Variants in CTNNA3 observed in about 807,000 individuals in gnomAD.
CTNNA3 encodes the protein catenin alpha-3.
A neutral mutation model predicts 95.7 loss-of-function variants in CTNNA3; 76 were observed. The observed-to-expected ratio is 0.79, with a 90% CI of 0.66 to 0.96. The LOEUF (loss-of-function observed/expected upper bound fraction) is 0.96, where lower values mean the gene tolerates loss of function less well. Ranked by LOEUF, CTNNA3 falls within the 40% of genes least tolerant of loss-of-function variation. The pLI, the probability that CTNNA3 is intolerant of heterozygous loss-of-function variation, is 0.00. For missense variants in CTNNA3, 1,191 were observed against 1,089.8 expected (o/e 1.09, Z -1.31); for synonymous variants, 431 against 374.4 (o/e 1.15, Z -1.74).
intron 5 of CTNNA3, among the ~76,000 whole-genome samples, chr10:67,417,516 GT>G (rs1210269440): frequency 1.3e-5 from 2 of 152,126 alleles, no homozygotes; most frequent in African/African-American, 4.8e-5. Context: ...CAAGGTGTAA[GT>G]TTTCAGAGTG....
intron 11 of CTNNA3, among the ~76,000 whole-genome samples, chr10:66,417,835 A>G (rs965474125): frequency 2.0e-5 from 3 of 151,974 alleles, no homozygotes; most frequent in African/African-American, 7.2e-5. Flanking sequence ...AAAACAAAAT[A>G]TATCAAAATC....
intron 7 of CTNNA3, among the ~76,000 whole-genome samples, chr10:66,903,564 G>T (rs952839778): frequency 6.6e-6 from 1 of 152,020 alleles, no homozygotes; most frequent in Non-Finnish European, 1.5e-5. Context: ...AGGGTATTCA[G>T]TTAGGAAAAG....
intron 7 of CTNNA3, among the ~76,000 whole-genome samples, chr10:67,130,010 A>C (rs1480648855): frequency 1.3e-5 from 2 of 152,202 alleles, no homozygotes; most frequent in African/African-American, 4.8e-5. Flanking sequence ...AATGAAAAAG[A>C]GAATGTCTTG....
chr10:66,681,332 G>C (rs974254890), intron 9 of CTNNA3, among the ~76,000 whole-genome samples: 15 of 152,102 alleles, frequency 9.9e-5, no homozygotes, highest in African/African-American at 3.6e-4. Context: ...TTGGTCCTAA[G>C]TTTGGCAGCT....
intron 7 of CTNNA3, among the ~76,000 whole-genome samples, chr10:67,068,273 T>C (rs1445071785): frequency 1.3e-5 from 2 of 152,106 alleles, no homozygotes; most frequent in African/African-American, 4.8e-5. Flanking sequence ...GAGTCCAAAA[T>C]AGCTCCAAGG....
intron 9 of CTNNA3, among the ~76,000 whole-genome samples, chr10:66,652,097 T>TAAAAAAAAA (rs59359956): frequency 2.5e-5 from 3 of 122,388 alleles, no homozygotes; most frequent in Non-Finnish European, 3.6e-5. Context: ...CTCAAGGAAC[T>TAAAAAAAAA]AAAAAAAAAA....
chr10:67,674,309 G>C (rs1024392518), intron 1 of CTNNA3, among the ~76,000 whole-genome samples: 8 of 152,072 alleles, frequency 5.3e-5, no homozygotes, highest in African/African-American at 1.9e-4. Context: ...ATGTGAGAAA[G>C]GTGGTCATCT....
chr10:66,847,340 T>A (rs1843317144), intron 7 of CTNNA3, among the ~76,000 whole-genome samples: 1 of 152,146 alleles, frequency 6.6e-6, no homozygotes, highest in African/African-American at 2.4e-5. Flanking sequence ...AAGCCAGAAA[T>A]AAAATTATAC....
At chr10:66,010,950 G>T (rs983874242) in intron 15 of CTNNA3, among the ~76,000 whole-genome samples, 1 of 152,206 alleles carries the variant, frequency 6.6e-6, no homozygotes, top group Admixed American at 6.5e-5. Flanking sequence ...ATAAGCCTAT[G>T]TTCTTGCTGC....
At chr10:67,090,249 G>C (rs992740938) in intron 7 of CTNNA3, among the ~76,000 whole-genome samples, 2 of 152,042 alleles carry the variant, frequency 1.3e-5, no homozygotes, top group African/African-American at 4.8e-5. Flanking sequence ...TGTGTAGTAA[G>C]AAGCAGAGAA....
At chr10:66,488,205 T>C (rs1451837496) in intron 11 of CTNNA3, among the ~76,000 whole-genome samples, 1 of 152,238 alleles carries the variant, frequency 6.6e-6, no homozygotes. Flanking sequence ...CCATACCTTG[T>C]ATGATAAATC....
At chr10:67,606,165 T>G (rs1023021887) in intron 3 of CTNNA3, among the ~76,000 whole-genome samples, 2 of 152,182 alleles carry the variant, frequency 1.3e-5, no homozygotes, top group Admixed American at 6.5e-5. Context: ...ACTTTCCTTT[T>G]CCTCCCAAAA....
intron 17 of CTNNA3, among the ~76,000 whole-genome samples, chr10:65,924,973 C>G (rs1191983552): frequency 1.3e-5 from 2 of 152,072 alleles, no homozygotes; most frequent in Non-Finnish European, 2.9e-5. Flanking sequence ...AAAACCTGCC[C>G]CATGATTCAA....
chr10:66,525,141 G>A (rs1247442113), intron 10 of CTNNA3, among the ~76,000 whole-genome samples: 1 of 151,880 alleles, frequency 6.6e-6, no homozygotes, highest in African/African-American at 2.4e-5. Context: ...TGGGTGGCAA[G>A]AGGAGAATGG....
At chr10:66,457,130 T>G (rs2093499956) in intron 11 of CTNNA3, among the ~76,000 whole-genome samples, 1 of 152,010 alleles carries the variant, frequency 6.6e-6, no homozygotes, top group South Asian at 2.1e-4. Flanking sequence ...AAAAAAACCT[T>G]TACAACTTGG....
chr10:66,413,439 C>T (rs2093123598), intron 11 of CTNNA3, among the ~76,000 whole-genome samples: 2 of 152,228 alleles, frequency 1.3e-5, no homozygotes, highest in African/African-American at 4.8e-5. Flanking sequence ...TAGAGAATTA[C>T]TATATTTTCA....
At position 65,918,674 on chromosome 10, in the gene CTNNA3, C is replaced by T. The variant is rs369874462; in HGVS notation, c.*1656G>A. On this transcript the variant is annotated 3_prime_UTR_variant, in exon 18 of 18. Transcript: ENST00000433211. ...AGGGAGGAGTTTATTGCCTTCACCT[C>T]CTAGGAAGTTTTACACTGAGCTCAG... 9 of 152,042 alleles carry T rather than the reference C, an allele frequency of 5.9e-5. No individual in the cohort carries two copies. Among genetic ancestry groups the T allele is most frequent in the African/African-American group, 2.2e-4 (9 of 41,402 alleles). The allele number at this position is 152,042 out of a possible 1,614,324, so 9.4% of individuals were successfully genotyped here.
rs1172815107 is a variant in CTNNA3 at position 65,914,309 on chromosome 10, T to G, written c.*6021A>C. On this transcript the variant is annotated 3_prime_UTR_variant, in exon 18 of 18. Coordinates refer to ENST00000433211, the MANE Select transcript of CTNNA3 (RefSeq NM_013266.4). ...GAAGATCCCCAATATACACATCCAT[T>G]GCTCAAACTAGGAATGTGTGTATTT... 6.6e-6 allele frequency: 1 copy of G among 152,072 alleles called. No individual in the cohort carries two copies. Among genetic ancestry groups the G allele is most frequent in the Non-Finnish European group, 1.5e-5 (1 of 67,996 alleles). 9.4% of individuals were successfully genotyped at this position (152,072 alleles called of 1,614,324 possible). A position where few individuals can be genotyped will look rare whatever the true frequency, so the allele number is the denominator to read the frequency against.
intron 7 of CTNNA3, among the ~76,000 whole-genome samples, chr10:67,105,261 A>ATAGATAGATAG (rs1554921967): frequency 6.6e-6 from 1 of 151,598 alleles, no homozygotes; most frequent in East Asian, 1.9e-4. Flanking sequence ...AGATAGATAG[A>ATAGATAGATAG]ATTAATTCTA....
Sources: allele counts gnomAD v4.1 joint callset (sites outside exome capture counted in the v4.1 genomes callset), GRCh38; gene constraint gnomAD v4.1.1; transcripts MANE v1.5; gene names NCBI Gene and HGNC (gene_info 2026-07-23, HGNC 2026-07-21).